C10orf90: variants seen among roughly 807,000 people sequenced by gnomAD.
C10orf90 encodes the protein (E2-independent) E3 ubiquitin-conjugating enzyme FATS.
In C10orf90, 56 loss-of-function variants were observed where a neutral mutation model predicts 62.5. That is an observed-to-expected ratio of 0.90 (90% CI 0.72 to 1.12). The LOEUF (loss-of-function observed/expected upper bound fraction) is 1.12, where lower values mean the gene tolerates loss of function less well. Among genes scored for constraint, C10orf90 ranks in the 50% most tolerant of loss-of-function variants. The pLI is 0.00. For missense variants in C10orf90, 970 were observed against 880.4 expected (o/e 1.10, Z -1.29); for synonymous variants, 386 against 340.4 (o/e 1.13, Z -1.47).
intron 4 of C10orf90, among the ~76,000 whole-genome samples, chr10:126,491,300 C>T (rs1591001766): frequency 6.6e-6 from 1 of 152,038 alleles, no homozygotes; most frequent in East Asian, 1.9e-4. Context: ...CAGTGGTTTC[C>T]CAGGACTGGG....
At position 126,659,936 on chromosome 10, in the gene C10orf90, C is replaced by T. The variant is rs376116379; in HGVS notation, c.240+10305G>A. The stretch of plus-strand genomic sequence containing the variant: ...CTTCGTTCATAATGCATCCCACAAA[C>T]GTCTACTGAGTGCTGGTCTGGTGCC... On this transcript the variant is annotated intron_variant, in intron 1 of 9. Coordinates refer to ENST00000488181, the MANE Select transcript of C10orf90 (RefSeq NM_001350921.2). Among the ~76,000 whole-genome samples the T allele has an allele frequency of 6.6e-5, 10 of 152,370 alleles. 1 individual carries two copies. Among genetic ancestry groups the T allele is most frequent in the African/African-American group, 1.4e-4 (6 of 41,592 alleles).
intron 7 of C10orf90, among the ~76,000 whole-genome samples, chr10:126,457,359 C>G (rs1458611707): frequency 6.6e-6 from 1 of 152,174 alleles, no homozygotes; most frequent in Non-Finnish European, 1.5e-5. Context: ...GTACAGATGG[C>G]CAAGGCCACA....
chr10:126,661,190 C>T (rs564104632), intron 1 of C10orf90, among the ~76,000 whole-genome samples: 6 of 152,288 alleles, frequency 3.9e-5, no homozygotes, highest in South Asian at 4.1e-4. Context: ...CCAGGGGCCA[C>T]GTCTTTGTGC....
intron 2 of C10orf90, among the ~76,000 whole-genome samples, chr10:126,538,167 C>A (rs553211872): frequency 6.6e-6 from 1 of 152,164 alleles, no homozygotes; most frequent in Non-Finnish European, 1.5e-5. Context: ...ATCCACATGG[C>A]GGCAGGCAAG....
At chr10:126,568,205 G>T (rs894609937) in intron 2 of C10orf90, among the ~76,000 whole-genome samples, 9 of 152,192 alleles carry the variant, frequency 5.9e-5, no homozygotes, top group African/African-American at 2.2e-4. Context: ...TAGCTCAGAA[G>T]TCAGGCCGGA....
chr10:126,529,122 T>C (rs1343019250), intron 2 of C10orf90, among the ~76,000 whole-genome samples: 2 of 152,170 alleles, frequency 1.3e-5, no homozygotes, highest in Admixed American at 1.3e-4. Context: ...AAACACAACA[T>C]TTTACAAACT....
chr10:126,481,893 C>A (rs1861180939), intron 4 of C10orf90, among the ~76,000 whole-genome samples: 1 of 152,196 alleles, frequency 6.6e-6, no homozygotes, highest in Non-Finnish European at 1.5e-5. Flanking sequence ...TCCCACCTTT[C>A]TGTGTAAAAG....
chr10:126,620,831 T>C (rs1445744680), intron 2 of C10orf90, among the ~76,000 whole-genome samples: 2 of 152,134 alleles, frequency 1.3e-5, no homozygotes, highest in African/African-American at 4.8e-5. Context: ...TAAAAAAACT[T>C]CATAAATTTC....
At chr10:126,521,499 G>T (rs1176988659) in intron 2 of C10orf90, 1 of 1,407,694 alleles carries the variant, frequency 7.1e-7, no homozygotes, top group Non-Finnish European at 9.2e-7. Context: ...TATATGTAAT[G>T]AAGTCACCGG....
At chr10:126,430,333 GC>G (rs1459196530) in intron 7 of C10orf90, among the ~76,000 whole-genome samples, 1 of 152,122 alleles carries the variant, frequency 6.6e-6, no homozygotes, top group Non-Finnish European at 1.5e-5. Flanking sequence ...AGACCACCTT[GC>G]CCCCTTCCTA....
In C10orf90 at chr10:126,442,483, A is replaced by ATATATATCTATATATATATC. The variant is rs1554886166; in HGVS notation, c.2189-12634_2189-12633insGATATATATATAGATATATA. On this transcript the variant is annotated intron_variant, in intron 7 of 9. Transcript: ENST00000488181. ...AGTAGGGAACTTCAATATTTCATATATATATATATATATATATATATATAT... is the reference window on the plus strand; with the variant it reads ...AGTAGGGAACTTCAATATTTCATATATATATATCTATATATATATCTATATATATATATATATATATATAT... 2.8e-5 allele frequency among the ~76,000 whole-genome samples: 2 copies of ATATATATCTATATATATATC among 71,744 alleles called. 1 individual carries two copies. Among genetic ancestry groups the ATATATATCTATATATATATC allele is most frequent in the African/African-American group, 1.0e-4 (2 of 19,966 alleles). The allele number at this position is 71,744 out of a possible 152,430, so 47.1% of individuals were successfully genotyped here.
intron 4 of C10orf90, among the ~76,000 whole-genome samples, chr10:126,488,295 C>T (rs1297313725): frequency 1.3e-5 from 2 of 151,842 alleles, no homozygotes; most frequent in East Asian, 3.9e-4. Context: ...ATAATTAAAA[C>T]AAAGGGGATA....
At chr10:126,552,361 C>T (rs779720367) in intron 2 of C10orf90, among the ~76,000 whole-genome samples, 45 of 152,310 alleles carry the variant, frequency 3.0e-4, no homozygotes, top group Non-Finnish European at 5.1e-4. Context: ...AACTGTAGCA[C>T]AAATTTGCAT....
chr10:126,547,457 TC>T (rs1864527213), intron 2 of C10orf90, among the ~76,000 whole-genome samples: 1 of 143,412 alleles, frequency 7.0e-6, no homozygotes, highest in Non-Finnish European at 1.5e-5. Context: ...AGAAAATCAT[TC>T]GTTCATCACA....
intron 2 of C10orf90, among the ~76,000 whole-genome samples, chr10:126,633,273 G>C (rs765194961): frequency 6.6e-6 from 1 of 152,224 alleles, no homozygotes; most frequent in Non-Finnish European, 1.5e-5. Flanking sequence ...GGAGGCCTAG[G>C]ACATCCCAGG....
intron 2 of C10orf90, among the ~76,000 whole-genome samples, chr10:126,541,636 C>G (rs1211607954): frequency 6.6e-6 from 1 of 152,148 alleles, no homozygotes; most frequent in African/African-American, 2.4e-5. Context: ...CAAATCAATA[C>G]TGCAATGAGA....
At chr10:126,566,338 C>G (rs1844389332) in intron 2 of C10orf90, among the ~76,000 whole-genome samples, 1 of 152,166 alleles carries the variant, frequency 6.6e-6, no homozygotes, top group South Asian at 2.1e-4. Flanking sequence ...AGGCACTGTG[C>G]TAAGTCCTGG....
At chr10:126,608,400 C>T (rs4962581) in intron 2 of C10orf90, among the ~76,000 whole-genome samples, 2 of 152,204 alleles carry the variant, frequency 1.3e-5, no homozygotes, top group African/African-American at 4.8e-5. Flanking sequence ...GCTTGAGCCA[C>T]CATGCCTAGC....
chr10:126,617,971 T>G (rs1845575155), intron 2 of C10orf90, among the ~76,000 whole-genome samples: 1 of 152,220 alleles, frequency 6.6e-6, no homozygotes, highest in African/African-American at 2.4e-5. Flanking sequence ...GGCTGATGCT[T>G]AATATTTATT....
Sources: allele counts gnomAD v4.1 joint callset (sites outside exome capture counted in the v4.1 genomes callset), GRCh38; gene constraint gnomAD v4.1.1; transcripts MANE v1.5; gene names NCBI Gene and HGNC (gene_info 2026-07-23, HGNC 2026-07-21).